The following PACRG variants were observed in gnomAD, a reference collection of about 807,000 sequenced individuals.
The protein encoded by PACRG is parkin coregulated gene protein.
A neutral mutation model predicts 29.7 loss-of-function variants in PACRG; 29 were observed. That is an observed-to-expected ratio of 0.98 (90% CI 0.73 to 1.33). PACRG has a LOEUF of 1.33. Among genes scored for constraint, PACRG ranks in the 40% most tolerant of loss-of-function variants. The pLI is 0.00. For synonymous variants in PACRG, 116 were observed against 118.7 expected, an observed-to-expected ratio of 0.98 and a Z score of 0.15; for missense variants, 279 against 316.2, an observed-to-expected ratio of 0.88 and a Z score of 0.89.
intron 4 of PACRG, among the ~76,000 whole-genome samples, chr6:163,209,751 A>G (rs1419444040): frequency 6.6e-6 from 1 of 152,258 alleles, no homozygotes; most frequent in Non-Finnish European, 1.5e-5. Context: ...ACACAAAGGA[A>G]ATATCATATT....
At chr6:162,945,527 G>T (rs1798940681) in intron 2 of PACRG, among the ~76,000 whole-genome samples, 1 of 152,048 alleles carries the variant, frequency 6.6e-6, no homozygotes. Context: ...TAAAGGGAGA[G>T]TTAGAGTCCA....
At chr6:162,810,421 G>C (rs988445271) in intron 1 of PACRG, among the ~76,000 whole-genome samples, 17 of 152,036 alleles carry the variant, frequency 1.1e-4, no homozygotes, top group African/African-American at 4.1e-4. Flanking sequence ...CCAAGAATCA[G>C]GAAGATCTCA....
intron 2 of PACRG, among the ~76,000 whole-genome samples, chr6:163,049,503 A>G (rs897278848): frequency 3.9e-5 from 6 of 152,110 alleles, no homozygotes; most frequent in African/African-American, 1.4e-4. Flanking sequence ...AACATTAACG[A>G]ATTCAAAAAC....
intron 4 of PACRG, among the ~76,000 whole-genome samples, chr6:163,140,224 C>A (rs1162001176): frequency 6.6e-6 from 1 of 152,204 alleles, no homozygotes; most frequent in Non-Finnish European, 1.5e-5. Context: ...CAGACCTGGG[C>A]TCAGAGACTA....
chr6:163,308,731 G>A (rs1328385356), intron 4 of PACRG, among the ~76,000 whole-genome samples: 3 of 151,632 alleles, frequency 2.0e-5, no homozygotes, highest in East Asian at 1.9e-4. Context: ...GCTTAGTGTC[G>A]TCAAGAAACA....
intron 1 of PACRG, among the ~76,000 whole-genome samples, chr6:162,785,941 C>A (rs1201526634): frequency 6.6e-6 from 1 of 152,218 alleles, no homozygotes; most frequent in Non-Finnish European, 1.5e-5. Context: ...AAGGCTGCCC[C>A]CTCCAGAGAG....
chr6:162,880,734 G>A (rs1403516393), intron 2 of PACRG, among the ~76,000 whole-genome samples: 3 of 152,166 alleles, frequency 2.0e-5, no homozygotes, highest in East Asian at 1.9e-4. Flanking sequence ...TGCCTCATAC[G>A]TATTACAAAA....
rs59861286 is a variant in PACRG, at chr6:163,304,015, CAAAAAA to C, written c.614-10794_614-10789del. ...TGGGTGACAGAGCAAGACTCCATTT[CAAAAAA>C]AAAAAAAAAAAAAAAAAGTAAATGG... On this transcript the variant is annotated intron_variant, in intron 4 of 4. Coordinates refer to ENST00000366888, the MANE Select transcript of PACRG (RefSeq NM_001080379.2). Among the ~76,000 whole-genome samples the C allele has an allele frequency of 3.5e-3, 265 of 76,276 alleles. 1 individual carries two copies. The highest frequency in any genetic ancestry group is 0.012 in the African/African-American group (229 of 18,676). The allele number at this position is 76,276 out of a possible 152,430, so 50.0% of individuals were successfully genotyped here.
At chr6:163,061,269 T>A (rs1037459497) in intron 2 of PACRG, among the ~76,000 whole-genome samples, 4 of 152,176 alleles carry the variant, frequency 2.6e-5, no homozygotes, top group African/African-American at 9.7e-5. Context: ...TCTGCCGCCT[T>A]GCTGGCAGTA....
At chr6:162,981,193 A>G (rs7743777) in intron 2 of PACRG, among the ~76,000 whole-genome samples, 62,426 of 151,178 alleles carry the variant, frequency 0.41, 13,134 homozygotes, top group East Asian at 0.7. Context: ...AATTCTATCC[A>G]GGTTGCTGCA....
At chr6:163,237,738 T>C (rs1164679949) in intron 4 of PACRG, among the ~76,000 whole-genome samples, 3 of 152,154 alleles carry the variant, frequency 2.0e-5, no homozygotes, top group Non-Finnish European at 4.4e-5. Context: ...TATAACCTAT[T>C]TTCTCTTGAA....
At chr6:163,073,711 A>G (rs1175173835) in intron 3 of PACRG, among the ~76,000 whole-genome samples, 1 of 152,230 alleles carries the variant, frequency 6.6e-6, no homozygotes, top group Admixed American at 6.5e-5. Context: ...GCTAGAATGT[A>G]TTAGGAGCTC....
intron 2 of PACRG, among the ~76,000 whole-genome samples, chr6:163,020,980 C>G (rs147592539): frequency 6.6e-6 from 1 of 152,102 alleles, no homozygotes; most frequent in Non-Finnish European, 1.5e-5. Context: ...CTTCATGACA[C>G]GATCTCCTCC....
chr6:163,287,284 C>T (rs1784434934), intron 4 of PACRG, among the ~76,000 whole-genome samples: 1 of 152,182 alleles, frequency 6.6e-6, no homozygotes, highest in African/African-American at 2.4e-5. Context: ...TCTTGCCTTT[C>T]ACTTTGCAAA....
intron 2 of PACRG, among the ~76,000 whole-genome samples, chr6:162,914,824 T>C (rs1796595129): frequency 6.6e-6 from 1 of 151,954 alleles, no homozygotes; most frequent in Non-Finnish European, 1.5e-5. Context: ...AAATGAAATG[T>C]TTTAAGAATT....
At chr6:163,209,183 A>T (rs1312036152) in intron 4 of PACRG, among the ~76,000 whole-genome samples, 1 of 152,232 alleles carries the variant, frequency 6.6e-6, no homozygotes, top group African/African-American at 2.4e-5. Context: ...GTTAGTATTT[A>T]TCAGGAAACG....
intron 4 of PACRG, among the ~76,000 whole-genome samples, chr6:163,292,679 C>T (rs1784657666): frequency 6.6e-6 from 1 of 152,108 alleles, no homozygotes; most frequent in East Asian, 1.9e-4. Context: ...CCTCCTTGGC[C>T]TCCCAGAGTG....
rs572310596 is a variant in PACRG, at chr6:162,882,198, C to T, written c.291+67917C>T. Among the ~76,000 whole-genome samples, 676 of 132,194 alleles carry T rather than the reference C, an allele frequency of 5.1e-3. 5 individuals carry two copies. The highest frequency in any genetic ancestry group is 8.2e-3 in the Non-Finnish European group (495 of 60,160). 86.7% of individuals were successfully genotyped at this position (132,194 alleles called of 152,430 possible). A position where few individuals can be genotyped will look rare whatever the true frequency, so the allele number is the denominator to read the frequency against. On this transcript the variant is annotated intron_variant, in intron 2 of 4. Coordinates refer to ENST00000366888, the MANE Select transcript of PACRG (RefSeq NM_001080379.2). ...AGACCAGAGACTGGGGGTGGGGGGG[C>T]GCACTCTCCACCAAGACCAGAGACA...
chr6:162,794,269 T>A lies in PACRG; in HGVS notation c.157-19878T>A, dbSNP rs1363285262. ...CTATTCAGTTATACTCTTCTGTTGT[T>A]ACTATATATTTCCTGCTTTTCTGTG... On this transcript the variant is annotated intron_variant, in intron 1 of 4. Transcript: ENST00000366888. 2.0e-5 allele frequency among the ~76,000 whole-genome samples: 3 copies of A among 152,208 alleles called. No homozygotes were observed. The East Asian group carries it at 5.8e-4, about 29-fold the overall frequency.
Sources: gnomAD v4.1 joint callset for allele counts (sites outside exome capture counted in the v4.1 genomes callset) on GRCh38, gnomAD v4.1.1 for gene constraint, MANE v1.5 for transcripts, NCBI Gene and HGNC (gene_info 2026-07-23, HGNC 2026-07-21) for gene names.